The following RAB3GAP2 variants were observed in gnomAD, a reference collection of about 807,000 sequenced individuals.
RAB3GAP2 encodes the protein RAB3 GTPase activating non-catalytic protein subunit 2, also known as rab3 GTPase-activating protein non-catalytic subunit.
RAB3GAP2 carries 87 observed loss-of-function variants against 185.3 expected under a neutral mutation model. The observed-to-expected ratio is 0.47, with a 90% CI of 0.39 to 0.56. The LOEUF is 0.56. Among genes scored for constraint, RAB3GAP2 ranks in the 20% least tolerant of loss-of-function variants. The probability of loss-of-function intolerance (pLI) is 0.00; values close to 1 mark genes in which losing one functional copy is unlikely to be tolerated. For missense variants in RAB3GAP2, 1,492 were observed against 1,638.2 expected (o/e 0.91, Z 1.54); for synonymous variants, 554 against 576.1 (o/e 0.96, Z 0.55).
At chr1:220,233,823 C>G (rs1458643124) in intron 1 of RAB3GAP2, among the ~76,000 whole-genome samples, 2 of 152,156 alleles carry the variant, frequency 1.3e-5, no homozygotes, top group Non-Finnish European at 2.9e-5. Context: ...GCCTCAGTCT[C>G]TGGAGTAGCT....
In RAB3GAP2 at chr1:220,150,919, T is replaced by C; in HGVS notation, c.*332A>G. ...ATTTTAGATAGGAAATATAGAATCTTATAAGAACATAATCTAAATTATAAC... is the reference window on the plus strand; with the variant it reads ...ATTTTAGATAGGAAATATAGAATCTCATAAGAACATAATCTAAATTATAAC... On this transcript the variant is annotated 3_prime_UTR_variant, in exon 35 of 35. Transcript: ENST00000358951. 3.4e-6 allele frequency: 1 copy of C among 290,726 alleles called. No homozygotes were observed. The highest frequency in any genetic ancestry group is 4.1e-5 in the South Asian group (1 of 24,204). The allele number at this position is 290,726 out of a possible 1,614,324, so 18.0% of individuals were successfully genotyped here.
At chr1:220,205,363 A>G (rs1255046940) in intron 8 of RAB3GAP2, among the ~76,000 whole-genome samples, 1 of 152,156 alleles carries the variant, frequency 6.6e-6, no homozygotes, top group Non-Finnish European at 1.5e-5. Flanking sequence ...CTGAGTTAGC[A>G]AAAAGCAGCT....
At chr1:220,254,123 C>T (rs1659989823) in intron 1 of RAB3GAP2, 1 of 1,613,818 alleles carries the variant, frequency 6.2e-7, no homozygotes, top group Non-Finnish European at 8.5e-7. Flanking sequence ...TTTTATCTTC[C>T]TGCCAAGAAG....
intron 2 of RAB3GAP2, among the ~76,000 whole-genome samples, chr1:220,223,877 C>A (rs1659354401): frequency 6.7e-6 from 1 of 149,690 alleles, no homozygotes; most frequent in African/African-American, 2.5e-5. Flanking sequence ...CCAGCCTGGG[C>A]AACATGGTAA....
chr1:220,272,159 C>G, intron 1 of RAB3GAP2, 64 bp downstream of exon 1: 6 of 1,384,424 alleles, frequency 4.3e-6, no homozygotes, highest in Non-Finnish European at 6.0e-6. Context: ...GTAGGAGACT[C>G]GAACCCGTGA....
chr1:220,180,511 C>T (rs772219722), intron 21 of RAB3GAP2, among the ~76,000 whole-genome samples: 2 of 152,084 alleles, frequency 1.3e-5, no homozygotes, highest in African/African-American at 4.8e-5. Context: ...CTATTATGAA[C>T]AGCTTTATGC....
intron 9 of RAB3GAP2, among the ~76,000 whole-genome samples, chr1:220,198,636 T>A (rs550141188): frequency 6.6e-6 from 1 of 152,308 alleles, no homozygotes; most frequent in African/African-American, 2.4e-5. Flanking sequence ...TTTATTAAAT[T>A]CACTGTTTTT....
chr1:220,224,005 C>CAAA (rs1170784100), intron 2 of RAB3GAP2, among the ~76,000 whole-genome samples: 426 of 89,974 alleles, frequency 4.7e-3, no homozygotes, highest in Admixed American at 6.5e-3. Flanking sequence ...GACCCTATCT[C>CAAA]AAAAAAAAAA....
intron 26 of RAB3GAP2, among the ~76,000 whole-genome samples, chr1:220,165,473 T>C (rs1658046343): frequency 1.3e-5 from 2 of 152,168 alleles, no homozygotes; most frequent in Admixed American, 6.5e-5. Flanking sequence ...AATTTAGATA[T>C]CTGCTAAATA....
At chr1:220,170,649 A>ACCACTC (rs1255928219) in intron 24 of RAB3GAP2, among the ~76,000 whole-genome samples, 2 of 152,226 alleles carry the variant, frequency 1.3e-5, no homozygotes, top group East Asian at 3.9e-4. Context: ...AGGTCCTCTG[A>ACCACTC]CCACTCTTTG....
Position 220,214,946 on chromosome 1 carries a change from T to TATATATATATA in RAB3GAP2, c.181-968_181-967insTATATATATAT, listed in dbSNP as rs1659158999. ...CCTTTTTCTTACAAGAATAGTAGCATTATATATATATATATATATATATAT... is the reference window on the plus strand; with the variant it reads ...CCTTTTTCTTACAAGAATAGTAGCATATATATATATATATATATATATATATATATATATAT... On this transcript the variant is annotated intron_variant, in intron 2 of 34. Coordinates refer to ENST00000358951, the MANE Select transcript of RAB3GAP2 (RefSeq NM_012414.4). Among the ~76,000 whole-genome samples, 28 of 89,626 alleles carry TATATATATATA rather than the reference T, an allele frequency of 3.1e-4. No homozygotes were observed. In the East Asian group the frequency reaches 6.0e-3, roughly 19 times the overall value. The allele number at this position is 89,626 out of a possible 152,430, so 58.8% of individuals were successfully genotyped here. A position where few individuals can be genotyped will look rare whatever the true frequency, so the allele number is the denominator to read the frequency against.
Position 220,272,304 on chromosome 1 carries a change from G to C in RAB3GAP2, c.34C>G (p.Gln12Glu). ...ACSIVQFCYF[Q>E]DLQAARDFLF... ...AAGTCCCGGGCGGCCTGGAGGTCCTGGAAGTAGCAGAACTGGACAATGGAG... is the reference window on the plus strand; with the variant it reads ...AAGTCCCGGGCGGCCTGGAGGTCCTCGAAGTAGCAGAACTGGACAATGGAG... The change falls in exon 1 of 35, where the codon CAG (glutamine) becomes GAG (glutamate). Residue 12 changes from glutamine (Q) to glutamate (E), a missense_variant. Transcript: ENST00000358951. 1 of 1,612,440 alleles carries C rather than the reference G, an allele frequency of 6.2e-7. No individual in the cohort carries two copies. The highest frequency in any genetic ancestry group is 8.5e-7 in the Non-Finnish European group (1 of 1,179,624).
chr1:220,234,656 G>T (rs1347459999), intron 1 of RAB3GAP2, among the ~76,000 whole-genome samples: 1 of 152,136 alleles, frequency 6.6e-6, no homozygotes, highest in Non-Finnish European at 1.5e-5. Flanking sequence ...CATACTCCTT[G>T]CCCTTGAAGA....
chr1:220,184,686 T>A (rs1571887950), intron 18 of RAB3GAP2, among the ~76,000 whole-genome samples: 1 of 152,122 alleles, frequency 6.6e-6, no homozygotes, highest in Non-Finnish European at 1.5e-5. Flanking sequence ...TTGAAACTGA[T>A]GATTTTATGG....
At chr1:220,263,373 C>G (rs951530173) in intron 1 of RAB3GAP2, among the ~76,000 whole-genome samples, 1 of 152,056 alleles carries the variant, frequency 6.6e-6, no homozygotes, top group Non-Finnish European at 1.5e-5. Flanking sequence ...GCATGCAAGT[C>G]CAATGTCATG....
chr1:220,172,055 G>C lies in RAB3GAP2; in HGVS notation c.2417-6C>G, dbSNP rs776367857. The C allele has an allele frequency of 1.9e-6, 3 of 1,613,976 alleles. No homozygotes were observed. Among genetic ancestry groups the C allele is most frequent in the Non-Finnish European group, 2.5e-6 (3 of 1,179,942 alleles). ...CCAGGTCTCATCGATGGCCACTATA[G>C]GGATAGGAGAAAACAGAAAAATAAA... On this transcript the variant is annotated splice_region_variant and splice_polypyrimidine_tract_variant and intron_variant, in intron 22 of 34. Transcript: ENST00000358951.
intron 24 of RAB3GAP2, 122 bp from the exon 25 acceptor site, chr1:220,167,797 G>A: frequency 9.2e-7 from 1 of 1,082,230 alleles, no homozygotes; most frequent in African/African-American, 1.6e-5. Context: ...GCCTGAAGCT[G>A]ACCCGAAAAA....
chr1:220,163,740 CATACATATATATATATATAT>C (rs892013079), intron 27 of RAB3GAP2, among the ~76,000 whole-genome samples: 41 of 90,112 alleles, frequency 4.5e-4, no homozygotes, highest in Non-Finnish European at 7.8e-4. Context: ...TATATAAATA[CATACATATATATATATATAT>C]ATATATATAT....
At chr1:220,194,396 C>G (rs1350204989) in intron 12 of RAB3GAP2, among the ~76,000 whole-genome samples, 1 of 147,052 alleles carries the variant, frequency 6.8e-6, no homozygotes, top group Non-Finnish European at 1.5e-5. Flanking sequence ...CCTGCTTTTA[C>G]TTTTTTTTTT....
Sources: allele counts gnomAD v4.1 joint callset (sites outside exome capture counted in the v4.1 genomes callset), GRCh38; gene constraint gnomAD v4.1.1; transcripts MANE v1.5; gene names NCBI Gene and HGNC (gene_info 2026-07-23, HGNC 2026-07-21).